Variants in PDE8B observed in about 807,000 individuals in gnomAD.
PDE8B encodes the protein phosphodiesterase 8B.
In PDE8B, 26 loss-of-function variants were observed where a neutral mutation model predicts 101.3. That is an observed-to-expected ratio of 0.26 (90% CI 0.19 to 0.36). PDE8B has a LOEUF of 0.36. Among genes scored for constraint, PDE8B ranks in the 10% least tolerant of loss-of-function variants. The pLI is 1.00. For missense variants in PDE8B, 810 were observed against 1,163.1 expected, an observed-to-expected ratio of 0.70 and a Z score of 4.42; for synonymous variants, 424 against 429.3, an observed-to-expected ratio of 0.99 and a Z score of 0.15.
At chr5:77,364,931 A>G (rs1290408499) in intron 10 of PDE8B, among the ~76,000 whole-genome samples, 1 of 152,194 alleles carries the variant, frequency 6.6e-6, no homozygotes, top group African/African-American at 2.4e-5. Flanking sequence ...AACTGTTGAA[A>G]AGAGTTTAAG....
chr5:77,364,688 A>G (rs1783788035), intron 10 of PDE8B, among the ~76,000 whole-genome samples: 2 of 152,204 alleles, frequency 1.3e-5, no homozygotes, highest in African/African-American at 4.8e-5. Context: ...TAGTCAAACA[A>G]GATGGCTGCA....
intron 1 of PDE8B, among the ~76,000 whole-genome samples, chr5:77,305,067 G>A (rs1338467791): frequency 6.6e-6 from 1 of 152,148 alleles, no homozygotes; most frequent in African/African-American, 2.4e-5. Flanking sequence ...AAAGAAGCAG[G>A]AATTGAAGTT....
the PDE8B span, chr5:77,144,171 G>T: frequency 1.3e-5 from 2 of 152,266 alleles, no homozygotes; most frequent in Admixed American, 1.3e-4. Flanking sequence ...GGGGCAGTAG[G>T]ACCACATCTC....
chr5:77,258,499 G>A (rs1465759275), intron 1 of PDE8B, among the ~76,000 whole-genome samples: 1 of 151,964 alleles, frequency 6.6e-6, no homozygotes, highest in African/African-American at 2.4e-5. Context: ...TTAATCATTA[G>A]CTGTATCTTA....
chr5:77,190,417 G>T, the PDE8B span, among the ~76,000 whole-genome samples: 1 of 152,190 alleles, frequency 6.6e-6, no homozygotes, highest in Admixed American at 6.5e-5. Context: ...CTTAATAAAT[G>T]AATCATAATT....
At chr5:77,218,550 G>A (rs1750328411) in intron 1 of PDE8B, among the ~76,000 whole-genome samples, 1 of 152,218 alleles carries the variant, frequency 6.6e-6, no homozygotes, top group Non-Finnish European at 1.5e-5. Context: ...CAGTTATTTA[G>A]AGCAGAAGGA....
the PDE8B span, chr5:77,139,358 T>TTGGGCTTGAGAATGGGTTTGAGAGGTGA: frequency 6.6e-6 from 1 of 152,298 alleles, no homozygotes; most frequent in Non-Finnish European, 1.5e-5. Context: ...ACCTCTCAGC[T>TTGGGCTTGAGAATGGGTTTGAGAGGTGA]GAACCAGGCC....
At chr5:77,182,643 C>T in the PDE8B span, among the ~76,000 whole-genome samples, 1 of 152,088 alleles carries the variant, frequency 6.6e-6, no homozygotes, top group Non-Finnish European at 1.5e-5. Context: ...CAGTTAATGT[C>T]AACTTCTCAG....
chr5:77,396,652 T>C (rs1373217898), intron 10 of PDE8B, among the ~76,000 whole-genome samples: 7 of 152,182 alleles, frequency 4.6e-5, no homozygotes. Flanking sequence ...TCTAGTTTTA[T>C]CTGTATCATT....
chr5:77,214,675 G>T (rs895152328), intron 1 of PDE8B, among the ~76,000 whole-genome samples: 1 of 152,132 alleles, frequency 6.6e-6, no homozygotes, highest in Non-Finnish European at 1.5e-5. Flanking sequence ...GATTTTATTT[G>T]GGGGAGGAGT....
chr5:77,322,802 T>G (rs1266045669), intron 2 of PDE8B, among the ~76,000 whole-genome samples: 2 of 152,106 alleles, frequency 1.3e-5, no homozygotes, highest in Non-Finnish European at 2.9e-5. Flanking sequence ...TTACTTAATA[T>G]TCTATTTATT....
At chr5:77,344,801 A>C in intron 6 of PDE8B, 52 bp from the exon 7 acceptor site, 1 of 1,132,310 alleles carries the variant, frequency 8.8e-7, no homozygotes, top group Admixed American at 1.7e-5. Flanking sequence ...TAACAGATGA[A>C]ATGTGAATGG....
chr5:77,365,714 A>G (rs1783996569), intron 10 of PDE8B, among the ~76,000 whole-genome samples: 2 of 152,202 alleles, frequency 1.3e-5, no homozygotes, highest in South Asian at 2.1e-4. Context: ...TTGGGCTTCC[A>G]GAGCAGCCAG....
chr5:77,261,565 C>G lies in PDE8B; in HGVS notation c.339+50301C>G, dbSNP rs555525768. 1.6e-4 allele frequency among the ~76,000 whole-genome samples: 25 copies of G among 152,338 alleles called. No individual in the cohort carries two copies. The South Asian group carries it at 4.6e-3, about 28-fold the overall frequency. On this transcript the variant is annotated intron_variant, in intron 1 of 21. Coordinates refer to ENST00000264917, the MANE Select transcript of PDE8B (RefSeq NM_003719.5). ...AATTGATAGCTAGCAACCAGACTGT[C>G]AGTCTTCTCCCCACATCAGAAGGTA...
At chr5:77,099,978 C>T in the PDE8B span, among the ~76,000 whole-genome samples, 4 of 152,182 alleles carry the variant, frequency 2.6e-5, no homozygotes. Flanking sequence ...TGGCTCTTTT[C>T]CTATGGAAAT....
At chr5:77,224,883 T>C (rs1306665101) in intron 1 of PDE8B, among the ~76,000 whole-genome samples, 1 of 152,230 alleles carries the variant, frequency 6.6e-6, no homozygotes, top group Admixed American at 6.5e-5. Flanking sequence ...TGTGGTATCA[T>C]TAACCACATT....
the PDE8B span, among the ~76,000 whole-genome samples, chr5:77,178,508 T>C: frequency 1.3e-5 from 2 of 152,246 alleles, no homozygotes; most frequent in Non-Finnish European, 2.9e-5. Flanking sequence ...GAAATAATGA[T>C]AGATCATGCT....
At chr5:77,271,975 G>A (rs528657409) in intron 1 of PDE8B, among the ~76,000 whole-genome samples, 32 of 152,298 alleles carry the variant, frequency 2.1e-4, no homozygotes, top group African/African-American at 7.2e-4. Flanking sequence ...TACCACCTGG[G>A]AGCCCATTAG....
chr5:77,177,883 C>T, the PDE8B span, among the ~76,000 whole-genome samples: 1 of 152,198 alleles, frequency 6.6e-6, no homozygotes, highest in Non-Finnish European at 1.5e-5. Flanking sequence ...ATGGTTTGTT[C>T]TGGAATTTTT....
Sources: allele counts gnomAD v4.1 joint callset (sites outside exome capture counted in the v4.1 genomes callset), GRCh38; gene constraint gnomAD v4.1.1; transcripts MANE v1.5; gene names NCBI Gene and HGNC (gene_info 2026-07-23, HGNC 2026-07-21).